Variants in GOLGB1 observed in about 807,000 individuals in gnomAD.
GOLGB1 encodes golgin B1.
In GOLGB1, 174 loss-of-function variants were observed where a neutral mutation model predicts 336.9. The ratio of observed to expected loss-of-function variants is 0.52; its 90% CI spans 0.46 to 0.59. The LOEUF (loss-of-function observed/expected upper bound fraction) is 0.59. Among genes scored for constraint, GOLGB1 ranks in the 20% least tolerant of loss-of-function variants. The pLI is 0.00. For missense variants in GOLGB1, 3,331 were observed against 3,645.3 expected (o/e 0.91, Z 2.22); for synonymous variants, 1,208 against 1,289.2 (o/e 0.94, Z 1.35).
Position 121,716,776 on chromosome 3 carries a change from G to C in GOLGB1, c.1249C>G (p.Gln417Glu), listed in dbSNP as rs760510830. 1.9e-6 allele frequency: 3 copies of C among 1,613,700 alleles called. No individual in the cohort carries two copies. The Admixed American group carries it at 5.0e-5, about 27-fold the overall frequency. Residue 417 changes from glutamine to glutamate, a missense_variant, in exon 9 of 22, where the codon CAA (glutamine) becomes GAA (glutamate). By Grantham distance (29) the Gln-to-Glu change is conservative. Transcript: ENST00000614479. ...ATGGTCTGGGCTGACTGAACTGCTT[G>C]CTCATTCTTATCTTGGAGAAGCTTT... ...NSKLLQDKNE[Q>E]AVQSAQTIQQ...
chr3:121,722,029 T>C (rs1484449199), intron 6 of GOLGB1, among the ~76,000 whole-genome samples: 2 of 152,134 alleles, frequency 1.3e-5, no homozygotes, highest in Non-Finnish European at 2.9e-5. Flanking sequence ...CTATAGAAAA[T>C]TCATCAAGGT....
At chr3:121,670,867 T>C (rs1157341724) in intron 17 of GOLGB1, among the ~76,000 whole-genome samples, 1 of 152,124 alleles carries the variant, frequency 6.6e-6, no homozygotes, top group Admixed American at 6.5e-5. Flanking sequence ...TATTGGATTC[T>C]GAGACAGGGC....
chr3:121,736,959 A>G (rs956447149), intron 1 of GOLGB1, among the ~76,000 whole-genome samples: 2 of 152,202 alleles, frequency 1.3e-5, no homozygotes, highest in African/African-American at 4.8e-5. Flanking sequence ...TCTGAAACAC[A>G]ATAAGGACAT....
At chr3:121,699,702 G>C in intron 12 of GOLGB1, 110 bp downstream of exon 12, 1 of 582,064 alleles carries the variant, frequency 1.7e-6, no homozygotes. Context: ...TTACTCTATA[G>C]GTAATGTACT....
intron 10 of GOLGB1, among the ~76,000 whole-genome samples, chr3:121,712,924 G>A (rs1370285945): frequency 6.6e-6 from 1 of 152,172 alleles, no homozygotes; most frequent in African/African-American, 2.4e-5. Flanking sequence ...AGCACTTTGG[G>A]AGGCCGAGGT....
In GOLGB1 at chr3:121,696,157, C is replaced by T. The variant is rs761066625; in HGVS notation, c.4366G>A (p.Asp1456Asn). 13 of 1,614,008 alleles carry T rather than the reference C, an allele frequency of 8.1e-6. No individual in the cohort carries two copies. The highest frequency in any genetic ancestry group is 1.1e-5 in the Non-Finnish European group (13 of 1,180,022). Reference protein sequence around the residue: ...TQLEMQAKEHDERIKQLQVEL... With the variant: ...TQLEMQAKEHNERIKQLQVEL... Reference sequence around the variant, plus strand: ...ACCTGTAGCTGCTTTATCCTCTCATCATGCTCTTTGGCTTGCATTTCTAGC... The same window carrying T: ...ACCTGTAGCTGCTTTATCCTCTCATTATGCTCTTTGGCTTGCATTTCTAGC... The change falls in exon 13 of 22, where the codon GAT (aspartate) becomes AAT (asparagine). Residue 1456 changes from aspartate (D) to asparagine (N), a missense_variant. Physicochemically the swap from Asp to Asn is conservative, Grantham distance 23. Transcript: ENST00000614479.
At chr3:121,742,532 C>T (rs1483763738) in intron 1 of GOLGB1, among the ~76,000 whole-genome samples, 1 of 152,164 alleles carries the variant, frequency 6.6e-6, no homozygotes, top group Non-Finnish European at 1.5e-5. Context: ...AAAACCTAGG[C>T]AATACCATTC....
At chr3:121,726,586 TAAAA>T (rs760126153) in intron 5 of GOLGB1, among the ~76,000 whole-genome samples, 13 of 144,368 alleles carry the variant, frequency 9.0e-5, no homozygotes, top group African/African-American at 2.8e-4. Context: ...GTATAGAAGA[TAAAA>T]AAACAGAAAA....
intron 1 of GOLGB1, 25 bp from the exon 2 acceptor site, chr3:121,730,998 A>T (rs764161034): frequency 1.2e-6 from 2 of 1,603,340 alleles, no homozygotes; most frequent in Admixed American, 1.7e-5. Context: ...GGGGGGAAAA[A>T]ACCTAAGAAT....
In GOLGB1 at chr3:121,722,174, AT is replaced by A. The variant is rs1249107861; in HGVS notation, c.648+87del. 6 of 750,536 alleles carry A rather than the reference AT, an allele frequency of 8.0e-6. No homozygotes were observed. In the African/African-American group the frequency reaches 8.7e-5, roughly 11 times the overall value. 46.5% of individuals were successfully genotyped at this position (750,536 alleles called of 1,614,324 possible). A position where few individuals can be genotyped will look rare whatever the true frequency, so the allele number is the denominator to read the frequency against. On this transcript the variant is annotated intron_variant, in intron 6 of 21. Transcript: ENST00000614479. ...TGCTACTATACTTTTATCTACTAGG[AT>A]TTTTTAAAGTGACTCACTGAATTGA...
rs1036454185 is a variant in GOLGB1, at chr3:121,717,041, C to T, written c.984G>A (p.Lys328=). 32 of 1,613,638 alleles carry T rather than the reference C, an allele frequency of 2.0e-5. No homozygotes were observed. The Admixed American group carries it at 5.2e-4, about 26-fold the overall frequency. The change falls in exon 9 of 22, where the codon AAG becomes AAA. Residue 328 remains lysine (K), a synonymous_variant. Transcript: ENST00000614479. ...EREESKILLE[K]MELEVAERKL... ...TTCTCTCTGCCACTTCAAGTTCCAT[C>T]TTTTCCAGTAGAATCTTGGACTCCT...
At chr3:121,664,698 A>G in intron 21 of GOLGB1, 84 bp from the exon 22 acceptor site, 1 of 1,317,914 alleles carries the variant, frequency 7.6e-7, no homozygotes, top group Admixed American at 1.7e-5. Flanking sequence ...CACTTAAGCA[A>G]AGCTGACCCA....
chr3:121,671,055 A>G (rs918919361), intron 17 of GOLGB1, among the ~76,000 whole-genome samples: 4 of 152,198 alleles, frequency 2.6e-5, no homozygotes, highest in Admixed American at 6.5e-5. Flanking sequence ...AACCAGCCCA[A>G]TTGATTCTAT....
Position 121,714,927 on chromosome 3 carries a change from C to T in GOLGB1, c.1338G>A (p.Leu446=), listed in dbSNP as rs1271009706. 1 of 1,612,934 alleles carries T rather than the reference C, an allele frequency of 6.2e-7. No individual in the cohort carries two copies. The highest frequency in any genetic ancestry group is 8.5e-7 in the Non-Finnish European group (1 of 1,179,274). Residue 446 remains leucine (L), a synonymous_variant, in exon 10 of 22, where the codon CTG becomes CTA. Transcript: ENST00000614479. ...ATGCTGTTTCATGTTGTTGCAAGGG[C>T]AGTCTATTTAGAAATTGGCTAATTT... The part of the protein sequence containing the change: ...SKEISQFLNR[L]PLQQHETASQ...
intron 13 of GOLGB1, 60 bp from the exon 14 acceptor site, chr3:121,692,641 G>A (rs1942553184): frequency 3.3e-6 from 3 of 896,050 alleles, no homozygotes; most frequent in South Asian, 3.3e-5. Context: ...GTTTCCCAAG[G>A]AACAAATACT....
In GOLGB1 at chr3:121,694,009, T is replaced by G. The variant is rs751350740; in HGVS notation, c.6514A>C (p.Asn2172His). 1.2e-6 allele frequency: 2 copies of G among 1,614,162 alleles called. No individual in the cohort carries two copies. Among genetic ancestry groups the G allele is most frequent in the Non-Finnish European group, 1.7e-6 (2 of 1,180,016 alleles). The change falls in exon 13 of 22, where the codon AAC (asparagine) becomes CAC (histidine). Residue 2172 changes from asparagine (N) to histidine (H), a missense_variant. Coordinates refer to ENST00000614479, the MANE Select transcript of GOLGB1 (RefSeq NM_001366282.2). The part of the protein sequence containing the change: ...ETIGEIQVTL[N>H]KKDKEVQQLQ... ...TGCTGAACTTCCTTGTCTTTCTTGT[T>G]CAAAGTAACCTGAATCTCTCCAATT...
chr3:121,693,604 G>C, intron 13 of GOLGB1, 137 bp downstream of exon 13: 1 of 665,104 alleles, frequency 1.5e-6, no homozygotes, highest in Non-Finnish European at 2.6e-6. Flanking sequence ...AAAAAAGTCA[G>C]AAGTGAGAGA....
chr3:121,741,711 G>T (rs1165014004), intron 1 of GOLGB1, among the ~76,000 whole-genome samples: 1 of 152,154 alleles, frequency 6.6e-6, no homozygotes, highest in Non-Finnish European at 1.5e-5. Flanking sequence ...AGTGTGAAAT[G>T]ACAATTCAGT....
At chr3:121,686,107 A>G (rs1335174999) in intron 14 of GOLGB1, among the ~76,000 whole-genome samples, 1 of 152,174 alleles carries the variant, frequency 6.6e-6, no homozygotes, top group South Asian at 2.1e-4. Flanking sequence ...ACACATTATT[A>G]TATTTACTGT....
Sources: allele counts gnomAD v4.1 joint callset (sites outside exome capture counted in the v4.1 genomes callset), GRCh38; gene constraint gnomAD v4.1.1; transcripts MANE v1.5; gene names NCBI Gene and HGNC (gene_info 2026-07-23, HGNC 2026-07-21).